The following PPP4C variants were observed in gnomAD, a reference collection of about 807,000 sequenced individuals.
PPP4C encodes serine/threonine-protein phosphatase 4 catalytic subunit.
In PPP4C, 10 loss-of-function variants were observed where a neutral mutation model predicts 40.5. The observed-to-expected ratio is 0.25, with a 90% CI of 0.15 to 0.42. The LOEUF is 0.42. Ranked by LOEUF, PPP4C falls within the 10% of genes least tolerant of loss-of-function variation. The probability of loss-of-function intolerance (pLI) is 1.00; values close to 1 mark genes in which losing one functional copy is unlikely to be tolerated. For missense variants in PPP4C, 191 were observed against 416.4 expected (o/e 0.46, Z 4.71); for synonymous variants, 187 against 163.6 (o/e 1.14, Z -1.09).
At chr16:30,076,578 CT>C in intron 2 of PPP4C, 103 bp downstream of exon 2, 1 of 1,220,370 alleles carries the variant, frequency 8.2e-7, no homozygotes, top group South Asian at 1.3e-5. Flanking sequence ...GTTCTGGAAG[CT>C]TTCCCAGAGA....
intron 5 of PPP4C, 76 bp downstream of exon 5, chr16:30,082,923 TCTC>T (rs776549855): frequency 7.9e-7 from 1 of 1,265,352 alleles, no homozygotes; most frequent in Non-Finnish European, 1.1e-6. Flanking sequence ...TCCGCCCTCA[TCTC>T]CTATCGTGAC....
chr16:30,080,132 G>A (rs1356385303), intron 2 of PPP4C, among the ~76,000 whole-genome samples: 1 of 151,882 alleles, frequency 6.6e-6, no homozygotes, highest in Admixed American at 6.6e-5. Flanking sequence ...ATCACTTGAG[G>A]TCAGGAGTTC....
intron 2 of PPP4C, among the ~76,000 whole-genome samples, chr16:30,080,205 C>T (rs1342131332): frequency 1.3e-5 from 2 of 151,476 alleles, no homozygotes; most frequent in Non-Finnish European, 2.9e-5. Flanking sequence ...ATTAGCTGGG[C>T]GTGGTGGTAC....
At chr16:30,084,195 GCAGA>G (rs1432105165) in intron 7 of PPP4C, among the ~76,000 whole-genome samples, 1 of 151,844 alleles carries the variant, frequency 6.6e-6, no homozygotes, top group Non-Finnish European at 1.5e-5. Context: ...CTGCTCCAGC[GCAGA>G]CACACACACA....
chr16:30,083,124 C>G lies in PPP4C; in HGVS notation c.304-270C>G, dbSNP rs957962062. The G allele has an allele frequency of 1.7e-6, 1 of 591,908 alleles. No individual in the cohort carries two copies. The highest frequency in any genetic ancestry group is 1.9e-5 in the African/African-American group (1 of 53,700). 36.7% of individuals were successfully genotyped at this position (591,908 alleles called of 1,614,324 possible). ...AGTGTGGGGCCAGATGACAAAGGGC[C>G]TGGGTGCCTTGCTAGGGACCCGGTC... On this transcript the variant is annotated intron_variant, in intron 5 of 8. Coordinates refer to ENST00000279387, the MANE Select transcript of PPP4C (RefSeq NM_002720.3). This position sits in a 1 kb window ranked among gnomAD's most constrained non-coding sequence, Gnocchi z 6.3.
Position 30,083,891 on chromosome 16 carries a change from A to T in PPP4C, c.604+110A>T. Reference sequence around the variant, plus strand: ...CGTCCTCCACCTGCCAAATGGCTGGAACCCTGGAGGAGGAGCAGGGAGGCC... The same window carrying T: ...CGTCCTCCACCTGCCAAATGGCTGGTACCCTGGAGGAGGAGCAGGGAGGCC... On this transcript the variant is annotated intron_variant, in intron 7 of 8. Coordinates refer to ENST00000279387, the MANE Select transcript of PPP4C (RefSeq NM_002720.3). The surrounding 1 kb of genome is among the most constrained non-coding windows in gnomAD (Gnocchi z 6.3). The T allele has an allele frequency of 6.6e-7, 1 of 1,506,862 alleles. No homozygotes were observed. Among genetic ancestry groups the T allele is most frequent in the Non-Finnish European group, 9.0e-7 (1 of 1,108,884 alleles). The allele number at this position is 1,506,862 out of a possible 1,614,324, so 93.3% of individuals were successfully genotyped here. A position where few individuals can be genotyped will look rare whatever the true frequency, so the allele number is the denominator to read the frequency against.
Position 30,083,501 on chromosome 16 carries a change from G to A in PPP4C, c.411G>A (p.Val137=). 1.2e-6 allele frequency: 2 copies of A among 1,614,090 alleles called. No homozygotes were observed. The highest frequency in any genetic ancestry group is 1.7e-6 in the Non-Finnish European group (2 of 1,180,022). ...AGTGCCTGCGCAAGTACGGCTCGGT[G>A]ACTGTGTGGCGCTACTGCACTGAGA... The part of the protein sequence containing the change: ...YDECLRKYGS[V]TVWRYCTEIF... Residue 137 remains valine, a synonymous_variant, in exon 6 of 9, where the codon GTG becomes GTA. Transcript: ENST00000279387. The surrounding 1 kb of genome is among the most constrained non-coding windows in gnomAD (Gnocchi z 6.3).
At chr16:30,076,260 C>A (rs927548483) in intron 1 of PPP4C, 55 bp from the exon 2 acceptor site, 2 of 1,042,256 alleles carry the variant, frequency 1.9e-6, no homozygotes, top group African/African-American at 1.6e-5. Flanking sequence ...ATCGAGTTGT[C>A]CGCTCCGAGC....
intron 5 of PPP4C, 47 bp downstream of exon 5, chr16:30,082,894 C>G (rs749411001): frequency 1.3e-6 from 2 of 1,530,804 alleles, no homozygotes; most frequent in East Asian, 4.5e-5. Flanking sequence ...GACCTCGGGC[C>G]GGGCCTGTCT....
intron 2 of PPP4C, among the ~76,000 whole-genome samples, chr16:30,079,694 C>T (rs1002046468): frequency 6.6e-6 from 1 of 152,188 alleles, no homozygotes; most frequent in East Asian, 1.9e-4. Flanking sequence ...TTCGTGCTGC[C>T]TCTGCCATAC....
intron 3 of PPP4C, 37 bp downstream of exon 3, chr16:30,081,347 C>T (rs372140444): frequency 6.4e-7 from 1 of 1,555,246 alleles, no homozygotes; most frequent in Non-Finnish European, 8.9e-7. Flanking sequence ...CAGGCCTGGT[C>T]TTTCAGGCAC....
intron 4 of PPP4C, 32 bp downstream of exon 4, chr16:30,082,566 C>CG: frequency 6.2e-7 from 1 of 1,602,962 alleles, no homozygotes. Context: ...TGAAATGTAA[C>CG]GGGGGGATGA....
intron 3 of PPP4C, 53 bp downstream of exon 3, chr16:30,081,363 G>C: frequency 6.7e-7 from 1 of 1,494,622 alleles, no homozygotes; most frequent in Non-Finnish European, 9.3e-7. Context: ...GGCACATGAA[G>C]TTTCCTCTTC....
At chr16:30,082,385 C>T in intron 3 of PPP4C, 99 bp from the exon 4 acceptor site, 1 of 1,293,398 alleles carries the variant, frequency 7.7e-7, no homozygotes, top group Non-Finnish European at 1.1e-6. Flanking sequence ...AGAAGTGCAG[C>T]CAAGAGTGAT....
In PPP4C at chr16:30,084,823, C is replaced by A; in HGVS notation, c.762C>A (p.Leu254=). 6.2e-7 allele frequency: 1 copy of A among 1,614,242 alleles called. No homozygotes were observed. Among genetic ancestry groups the A allele is most frequent in the East Asian group, 2.2e-5 (1 of 44,890 alleles). The change falls in exon 8 of 9, where the codon CTC becomes CTA. Residue 254 remains leucine (L), a synonymous_variant. Transcript: ENST00000279387. ...GYKWHFNETV[L]TVWSAPNYCY... ...AGTGGCACTTCAATGAGACGGTGCT[C>A]ACTGTGTGGTCGGCACCCAACTACT...
At chr16:30,084,642 TC>T in intron 7 of PPP4C, 23 bp from the exon 8 acceptor site, 1 of 1,610,396 alleles carries the variant, frequency 6.2e-7, no homozygotes, top group Non-Finnish European at 8.5e-7. Context: ...GACATCCCTC[TC>T]CATCCCTCCC....
At position 30,083,969 on chromosome 16, in the gene PPP4C, T is replaced by C. The variant is rs957208281; in HGVS notation, c.604+188T>C. On this transcript the variant is annotated intron_variant, in intron 7 of 8. Coordinates refer to ENST00000279387, the MANE Select transcript of PPP4C (RefSeq NM_002720.3). This position sits in a 1 kb window ranked among gnomAD's most constrained non-coding sequence, Gnocchi z 6.3. ...TGGCTTGGGGCATGGCCCAGAGGGC[T>C]GTGGAGGACAACCAAGTCATGGCTC... Among the ~76,000 whole-genome samples, 2 of 152,330 alleles carry C rather than the reference T, an allele frequency of 1.3e-5. No homozygotes were observed. The highest frequency in any genetic ancestry group is 6.5e-5 in the Admixed American group (1 of 15,298).
intron 3 of PPP4C, among the ~76,000 whole-genome samples, chr16:30,082,076 A>C (rs891983895): frequency 6.6e-6 from 1 of 151,854 alleles, no homozygotes; most frequent in African/African-American, 2.4e-5. Flanking sequence ...AAGAAAGGAA[A>C]GAAAAGAAAG....
intron 2 of PPP4C, among the ~76,000 whole-genome samples, chr16:30,079,661 C>A (rs1323299845): frequency 6.6e-6 from 1 of 152,134 alleles, no homozygotes; most frequent in Non-Finnish European, 1.5e-5. Flanking sequence ...CCTTCTGTTC[C>A]CAGAAAGCCA....
Sources: gnomAD v4.1 joint callset for allele counts (sites outside exome capture counted in the v4.1 genomes callset) on GRCh38, gnomAD v4.1.1 for gene constraint, Gnocchi (gnomAD v3.1) non-coding constraint, MANE v1.5 for transcripts, NCBI Gene and HGNC (gene_info 2026-07-23, HGNC 2026-07-21) for gene names.